WNK1: variants seen among roughly 807,000 people sequenced by gnomAD.
The protein encoded by WNK1 is serine/threonine-protein kinase WNK1.
A neutral mutation model predicts 222.8 loss-of-function variants in WNK1; 38 were observed. The observed-to-expected ratio is 0.17, with a 90% confidence interval of 0.13 to 0.22. The LOEUF (loss-of-function observed/expected upper bound fraction) is 0.22. WNK1 is among the 10% of genes least tolerant of loss of function. The pLI is 1.00. For missense variants in WNK1, 2,348 were observed against 2,918.4 expected (o/e 0.80, Z 4.50); for synonymous variants, 1,090 against 1,092.9 (o/e 1.00, Z 0.05).
chr12:880,097 G>T, intron 11 of WNK1, 66 bp downstream of exon 11: 1 of 1,472,752 alleles, frequency 6.8e-7, no homozygotes, highest in South Asian at 1.2e-5. Context: ...CAGGAACATG[G>T]AAATCTAATA....
intron 26 of WNK1, chr12:901,623 C>T (rs186679030): frequency 3.7e-5 from 48 of 1,289,098 alleles, no homozygotes; most frequent in East Asian, 1.1e-4. Context: ...CAGGAGGACC[C>T]GATTTCTGAG....
At position 755,686 on chromosome 12, in the gene WNK1, C is replaced by T. The variant is rs1475002427; in HGVS notation, c.759+1362C>T. Among the ~76,000 whole-genome samples, 4 of 151,998 alleles carry T rather than the reference C, an allele frequency of 2.6e-5. No homozygotes were observed. The East Asian group carries it at 5.8e-4, about 22-fold the overall frequency. On this transcript the variant is annotated intron_variant, in intron 1 of 27. Transcript: ENST00000315939. ...ATTTTGGTCAGTCATATTCAAAAAA[C>T]TTAGTCTGGGCCAGGCACGGTGGCT...
In WNK1 at chr12:799,868, A is replaced by G. The variant is rs528953817; in HGVS notation, c.760-13774A>G. 2.6e-5 allele frequency among the ~76,000 whole-genome samples: 4 copies of G among 152,184 alleles called. No individual in the cohort carries two copies. In the South Asian group the frequency reaches 8.3e-4, roughly 32 times the overall value. On this transcript the variant is annotated intron_variant, in intron 1 of 27. Transcript: ENST00000315939. The stretch of plus-strand genomic sequence containing the variant: ...CGTGCCTACTTTTTGTATTTTTAGT[A>G]GAGACGGGGTTTCACCATGTTGGCC...
intron 25 of WNK1, among the ~76,000 whole-genome samples, chr12:899,038 C>T (rs1355036212): frequency 2.6e-5 from 4 of 152,176 alleles, no homozygotes; most frequent in Non-Finnish European, 1.5e-5. Flanking sequence ...CCGTGCCCGG[C>T]CCTGGACTAT....
At chr12:812,999 G>A (rs1947041950) in intron 1 of WNK1, among the ~76,000 whole-genome samples, 1 of 151,974 alleles carries the variant, frequency 6.6e-6, no homozygotes, top group African/African-American at 2.4e-5. Context: ...CCCAGGCTTT[G>A]GGATGCCAAA....
chr12:846,266 C>T (rs895151171), intron 4 of WNK1, among the ~76,000 whole-genome samples: 3 of 152,130 alleles, frequency 2.0e-5, no homozygotes, highest in African/African-American at 4.8e-5. Context: ...TACTTGTAGT[C>T]TTGACCCAGT....
In WNK1 at chr12:763,427, T is replaced by C. The variant is rs552023642; in HGVS notation, c.759+9103T>C. Among the ~76,000 whole-genome samples, 15 of 144,086 alleles carry C rather than the reference T, an allele frequency of 1.0e-4. 1 individual carries two copies. In the South Asian group the frequency reaches 3.0e-3, roughly 29 times the overall value. 94.5% of individuals were successfully genotyped at this position (144,086 alleles called of 152,430 possible). The stretch of plus-strand genomic sequence containing the variant: ...GGTGAAACCCTGTCTCTACTAAAAA[T>C]ACAAAAAAAAAACTAGCCGGGTGTG... On this transcript the variant is annotated intron_variant, in intron 1 of 27. Transcript: ENST00000315939.
chr12:860,942 C>CG, intron 6 of WNK1, 71 bp from the exon 7 acceptor site: 4 of 1,090,728 alleles, frequency 3.7e-6, no homozygotes, highest in Non-Finnish European at 2.5e-6. Flanking sequence ...TTTTTTTTGG[C>CG]GGGGGGTGGT....
At chr12:759,662 A>G (rs139127338) in intron 1 of WNK1, among the ~76,000 whole-genome samples, 1,623 of 147,790 alleles carry the variant, frequency 0.011, 180 homozygotes, top group Non-Finnish European at 0.019. Context: ...GTCTGCAGGA[A>G]TAGGTGAGAC....
intron 4 of WNK1, among the ~76,000 whole-genome samples, chr12:840,515 C>G (rs574445571): frequency 2.0e-5 from 3 of 152,106 alleles, no homozygotes; most frequent in Non-Finnish European, 4.4e-5. Flanking sequence ...ATTCAAATTT[C>G]AGTGTCCATA....
At chr12:903,926 GA>G (rs1955481636) in intron 26 of WNK1, among the ~76,000 whole-genome samples, 1 of 152,222 alleles carries the variant, frequency 6.6e-6, no homozygotes, top group Non-Finnish European at 1.5e-5. Flanking sequence ...AACTATTCTG[GA>G]AGGGAAGGGG....
Position 908,861 on chromosome 12 carries a change from G to GGGGGGGGGGGGGGGGGGGA in WNK1, c.*69_*70insGGGGGGGGGGGGGGGGGGA. On this transcript the variant is annotated 3_prime_UTR_variant, in exon 28 of 28. Transcript: ENST00000315939. ...ATGCTGAGGGGGTGGGTGGGGGTGG[G>GGGGGGGGGGGGGGGGGGGA]AAGTAGCCTATATACTAACTACTAG... is the stretch of plus-strand genomic sequence containing the variant. The GGGGGGGGGGGGGGGGGGGA allele has an allele frequency of 2.0e-6, 1 of 491,846 alleles. No individual in the cohort carries two copies. The highest frequency in any genetic ancestry group is 2.0e-5 in the African/African-American group (1 of 49,012). 30.5% of individuals were successfully genotyped at this position (491,846 alleles called of 1,614,324 possible).
Position 759,299 on chromosome 12 carries a change from A to G in WNK1, c.759+4975A>G, listed in dbSNP as rs1591569592. Among the ~76,000 whole-genome samples, 4 of 147,140 alleles carry G rather than the reference A, an allele frequency of 2.7e-5. 1 individual carries two copies. Among genetic ancestry groups the G allele is most frequent in the East Asian group, 2.0e-4 (1 of 5,118 alleles). On this transcript the variant is annotated intron_variant, in intron 1 of 27. Coordinates refer to ENST00000315939, the MANE Select transcript of WNK1 (RefSeq NM_018979.4). ...TTAAATTATATTGATAATTTAAATT[A>G]TATATTTAGTAACTTGCATTTTGTT...
intron 10 of WNK1, among the ~76,000 whole-genome samples, chr12:879,195 G>A (rs1952896768): frequency 1.3e-5 from 2 of 151,794 alleles, no homozygotes; most frequent in African/African-American, 2.4e-5. Flanking sequence ...AACAGCAGTC[G>A]TAACTTTAGT....
In WNK1 at chr12:897,422, C is replaced by T. The variant is rs1401411289; in HGVS notation, c.6246-57C>T. 3.6e-5 allele frequency: 41 copies of T among 1,131,814 alleles called. No individual in the cohort carries two copies. The East Asian group carries it at 8.4e-4, about 23-fold the overall frequency. 70.1% of individuals were successfully genotyped at this position (1,131,814 alleles called of 1,614,324 possible). ...CAGGTTTAGGAATATGCTGTTAATTCTTGTCTGAATGAAGAGGATTATGGT... is the reference window on the plus strand; with the variant it reads ...CAGGTTTAGGAATATGCTGTTAATTTTTGTCTGAATGAAGAGGATTATGGT... On this transcript the variant is annotated intron_variant, in intron 24 of 27. Coordinates refer to ENST00000315939, the MANE Select transcript of WNK1 (RefSeq NM_018979.4).
intron 9 of WNK1, chr12:877,866 G>A (rs1195438290): frequency 3.0e-6 from 1 of 335,466 alleles, no homozygotes; most frequent in Non-Finnish European, 5.7e-6. Context: ...CAAGAGATAG[G>A]GAAAAGGGAA....
At chr12:801,066 G>A (rs1005771469) in intron 1 of WNK1, among the ~76,000 whole-genome samples, 4 of 152,088 alleles carry the variant, frequency 2.6e-5, no homozygotes, top group Non-Finnish European at 4.4e-5. Flanking sequence ...CCAGAATTTC[G>A]CCATTTGTAT....
intron 6 of WNK1, 137 bp downstream of exon 6, chr12:859,601 T>C: frequency 5.0e-6 from 3 of 603,718 alleles, no homozygotes; most frequent in South Asian, 4.4e-5. Context: ...CTAAAAGTTA[T>C]CTTTGATTAG....
rs1939414946 is a variant in WNK1, at chr12:752,889, G to C, written c.-677G>C. ...GGGCGGGGAGGCCTCGGGGAAGGGG[G>C]GGCCCGCTCCTCAGGCGCCGAGGCT... On this transcript the variant is annotated 5_prime_UTR_variant, in exon 1 of 28. Transcript: ENST00000315939. 6.6e-6 allele frequency: 1 copy of C among 152,182 alleles called. No individual in the cohort carries two copies. The highest frequency in any genetic ancestry group is 1.5e-5 in the Non-Finnish European group (1 of 68,058). The allele number at this position is 152,182 out of a possible 1,614,324, so 9.4% of individuals were successfully genotyped here.
Sources: allele counts gnomAD v4.1 joint callset (sites outside exome capture counted in the v4.1 genomes callset), GRCh38; gene constraint gnomAD v4.1.1; transcripts MANE v1.5; gene names NCBI Gene and HGNC (gene_info 2026-07-23, HGNC 2026-07-21).